Variants in PINK1 observed in about 807,000 individuals in gnomAD.
PINK1 encodes the protein serine/threonine-protein kinase PINK1, mitochondrial.
Under a neutral mutation model 56.0 loss-of-function variants are expected in PINK1, and 58 were observed. That is an observed-to-expected ratio of 1.04 (90% CI 0.84 to 1.29). The LOEUF is 1.29. Ranked by LOEUF, PINK1 falls within the 50% of genes most tolerant of loss-of-function variation. The probability of loss-of-function intolerance (pLI) is 0.00; values close to 1 mark genes in which losing one functional copy is unlikely to be tolerated. For synonymous variants in PINK1, 354 were observed against 339.3 expected (o/e 1.04, Z -0.48); for missense variants, 745 against 777.9 (o/e 0.96, Z 0.50).
Position 20,633,919 on chromosome 1 carries a change from C to G in PINK1, c.371C>G (p.Ala124Gly), listed in dbSNP as rs1274588239. 2 of 1,584,664 alleles carry G rather than the reference C, an allele frequency of 1.3e-6. No individual in the cohort carries two copies. Among genetic ancestry groups the G allele is most frequent in the African/African-American group, 2.7e-5 (2 of 74,248 alleles). ...KQAESRRAVS[A>G]CQEIQAIFTQ... Reference sequence around the variant, plus strand: ...GCGGAGAGCCGGCGGGCGGTCTCGGCCTGTCAGGAGATCCAGGTGAGCGGG... The same window carrying G: ...GCGGAGAGCCGGCGGGCGGTCTCGGGCTGTCAGGAGATCCAGGTGAGCGGG... Residue 124 changes from alanine (A) to glycine (G), a missense_variant, in exon 1 of 8, where the codon GCC (alanine) becomes GGC (glycine). Coordinates refer to ENST00000321556, the MANE Select transcript of PINK1 (RefSeq NM_032409.3).
In PINK1 at chr1:20,648,506, C is replaced by T. The variant is rs531300037; in HGVS notation, c.1125C>T (p.Asp375=). Residue 375 remains aspartate (D), a splice_region_variant and synonymous_variant, in exon 6 of 8, where the codon GAC becomes GAT. Coordinates refer to ENST00000321556, the MANE Select transcript of PINK1 (RefSeq NM_032409.3). Reference sequence around the variant, plus strand: ...GTCACTTTGCTTGCTCCTTCCCAGACGGCTGCCCCTGGCTGGTGATCGCAG... The same window carrying T: ...GTCACTTTGCTTGCTCCTTCCCAGATGGCTGCCCCTGGCTGGTGATCGCAG... ...SDNILVELDP[D]GCPWLVIADF... 35 of 1,614,026 alleles carry T rather than the reference C, an allele frequency of 2.2e-5. No individual in the cohort carries two copies. The highest frequency in any genetic ancestry group is 1.6e-4 in the South Asian group (15 of 91,088).
At chr1:20,633,977 A>C in intron 1 of PINK1, 42 bp downstream of exon 1, 1 of 1,551,436 alleles carries the variant, frequency 6.4e-7, no homozygotes, top group Non-Finnish European at 8.7e-7. Flanking sequence ...GGACGGAGCT[A>C]AGCGCGGGGG....
Position 20,649,071 on chromosome 1 carries a change from C to T in PINK1, c.1328C>T (p.Ala443Val), listed in dbSNP as rs138135040. Residue 443 changes from alanine to valine, a missense_variant, in exon 7 of 8, where the codon GCC becomes GTC. Transcript: ENST00000321556. ...GATGCCTGGGCAGTGGGAGCCATCGCCTATGAAATCTTCGGGCTTGTCAAT... is the reference window on the plus strand; with the variant it reads ...GATGCCTGGGCAGTGGGAGCCATCGTCTATGAAATCTTCGGGCTTGTCAAT... ...KADAWAVGAI[A>V]YEIFGLVNPF... is the part of the protein sequence containing the mutation. 6.2e-6 allele frequency: 10 copies of T among 1,614,064 alleles called. No individual in the cohort carries two copies. The African/African-American group carries it at 1.3e-4, about 22-fold the overall frequency.
rs564990829 is a variant in PINK1 at position 20,647,714 on chromosome 1, C to T, written c.1124-791C>T. Among the ~76,000 whole-genome samples the T allele has an allele frequency of 6.9e-3, 1,045 of 152,204 alleles. 3 individuals are homozygous for T. Among genetic ancestry groups the T allele is most frequent in the Non-Finnish European group, 0.011 (728 of 68,006 alleles). ...TGGAACTCCTGACTTCGTGATCCGC[C>T]TGCCTCGGCCTCCCAAAGTTCTGGG... On this transcript the variant is annotated intron_variant, in intron 5 of 7. Coordinates refer to ENST00000321556, the MANE Select transcript of PINK1 (RefSeq NM_032409.3).
chr1:20,650,878 A>G lies in PINK1; in HGVS notation c.*187A>G. On this transcript the variant is annotated 3_prime_UTR_variant, in exon 8 of 8. Transcript: ENST00000321556. The stretch of plus-strand genomic sequence containing the variant: ...GAGTTCAGTCTGCAGTCCTCTGCTC[A>G]CAGACATCTGAAAAGTGAATGGCCA... 1.4e-6 allele frequency: 1 copy of G among 739,960 alleles called. No homozygotes were observed. The highest frequency in any genetic ancestry group is 2.2e-6 in the Non-Finnish European group (1 of 449,138). The allele number at this position is 739,960 out of a possible 1,614,324, so 45.8% of individuals were successfully genotyped here. A position where few individuals can be genotyped will look rare whatever the true frequency, so the allele number is the denominator to read the frequency against.
chr1:20,638,861 G>A (rs2053084290), intron 2 of PINK1: 1 of 152,828 alleles, frequency 6.5e-6, no homozygotes, highest in Non-Finnish European at 1.5e-5. Flanking sequence ...CACTGGAGAG[G>A]GGGAACTGGA....
At chr1:20,645,881 G>T (rs760479442) in intron 5 of PINK1, among the ~76,000 whole-genome samples, 158 bp downstream of exon 5, 1 of 111,428 alleles carries the variant, frequency 9.0e-6, no homozygotes, top group Non-Finnish European at 2.3e-5. Context: ...CCCTTAGAAC[G>T]GGGTTTTTTT....
chr1:20,645,581 G>A lies in PINK1; in HGVS notation c.981G>A (p.Gln327=). ...VMKNYPCTLR[Q]YLCVNTPSPR... The stretch of plus-strand genomic sequence containing the variant: ...CCAGCTATCCCTGTACCCTGCGCCA[G>A]TACCTTTGTGTGAACACACCCAGCC... The change falls in exon 5 of 8, where the codon CAG becomes CAA. Residue 327 remains glutamine (Q), a synonymous_variant. Transcript: ENST00000321556. The A allele has an allele frequency of 6.2e-7, 1 of 1,613,204 alleles. No homozygotes were observed. Among genetic ancestry groups the A allele is most frequent in the African/African-American group, 1.3e-5 (1 of 74,810 alleles).
chr1:20,650,278 A>C (rs2053249393), intron 7 of PINK1, 156 bp from the exon 8 acceptor site: 1 of 958,760 alleles, frequency 1.0e-6, no homozygotes, highest in Admixed American at 2.0e-5. Flanking sequence ...GGGGACAGGC[A>C]GTATTTGTCA....
chr1:20,649,328 G>C, intron 7 of PINK1, 97 bp downstream of exon 7: 2 of 1,285,722 alleles, frequency 1.6e-6, no homozygotes, highest in Non-Finnish European at 2.2e-6. Context: ...CACAGTGACA[G>C]ATCCTCTGTG....
intron 5 of PINK1, among the ~76,000 whole-genome samples, chr1:20,647,179 C>G (rs1229173256): frequency 5.3e-5 from 8 of 151,084 alleles, no homozygotes; most frequent in African/African-American, 1.9e-4. Flanking sequence ...GCTTCAGCCT[C>G]CCGAGTAGCT....
At chr1:20,644,160 C>G (rs1376035308) in intron 3 of PINK1, among the ~76,000 whole-genome samples, 1 of 152,134 alleles carries the variant, frequency 6.6e-6, no homozygotes, top group East Asian at 1.9e-4. Context: ...CAAGGACTTA[C>G]AGTGGCAGAC....
At chr1:20,634,013 G>GTCCTCA in intron 1 of PINK1, 78 bp downstream of exon 1, 2 of 1,499,732 alleles carry the variant, frequency 1.3e-6, no homozygotes, top group Non-Finnish European at 1.8e-6. Flanking sequence ...GTGGGGGCGG[G>GTCCTCA]GCTAGGTGTG....
chr1:20,649,345 A>C (rs1334745643), intron 7 of PINK1, 114 bp downstream of exon 7: 3 of 1,134,996 alleles, frequency 2.6e-6, no homozygotes, highest in Non-Finnish European at 3.9e-6. Context: ...TGTGTTAGGA[A>C]GGTAAAGGCT....
Position 20,650,583 on chromosome 1 carries a change from G to A in PINK1, c.1638G>A (p.Glu546=), listed in dbSNP as rs2053255390. Residue 546 remains glutamate, a synonymous_variant, in exon 8 of 8, where the codon GAG becomes GAA. Transcript: ENST00000321556. ...AATLLANRLT[E]KCCVETKMKM... is the part of the protein sequence containing the mutation. ...CTTTGTTGGCCAACAGGCTCACAGA[G>A]AAGTGTTGTGTGGAAACAAAAATGA... The A allele has an allele frequency of 6.2e-7, 1 of 1,614,230 alleles. No homozygotes were observed. The highest frequency in any genetic ancestry group is 1.1e-5 in the South Asian group (1 of 91,086).
In PINK1 at chr1:20,638,010, A is replaced by T. The variant is rs371385940; in HGVS notation, c.556A>T (p.Lys186Ter). ...ATTGCCCCAGAACCTGGAGGTGACAAAGAGCACCGGGTTGCTTCCAGGGAG... is the reference window on the plus strand; with the variant it reads ...ATTGCCCCAGAACCTGGAGGTGACATAGAGCACCGGGTTGCTTCCAGGGAG... ...PTLPQNLEVT[K>*]STGLLPGRGP... Residue 186 changes from lysine (K) to a stop codon, truncating the protein, a stop_gained, in exon 2 of 8, where the codon AAG becomes TAG. Transcript: ENST00000321556. LOFTEE classifies it high-confidence loss of function. 1 of 1,614,154 alleles carries T rather than the reference A, an allele frequency of 6.2e-7. No individual in the cohort carries two copies. The highest frequency in any genetic ancestry group is 8.5e-7 in the Non-Finnish European group (1 of 1,180,032).
Position 20,633,944 on chromosome 1 carries a change from G to C in PINK1, c.387+9G>C. ...CCTGTCAGGAGATCCAGGTGAGCGG[G>C]GCCGGGTCCTAAGCCGAGCGGAGGA... On this transcript the variant is annotated intron_variant, in intron 1 of 7. Transcript: ENST00000321556. The C allele has an allele frequency of 6.3e-7, 1 of 1,582,464 alleles. No individual in the cohort carries two copies. Among genetic ancestry groups the C allele is most frequent in the Non-Finnish European group, 8.6e-7 (1 of 1,168,168 alleles).
rs147697818 is a variant in PINK1, at chr1:20,639,328, A to T, written c.676-564A>T. 22 of 177,658 alleles carry T rather than the reference A, an allele frequency of 1.2e-4. No homozygotes were observed. In the East Asian group the frequency reaches 2.6e-3, roughly 21 times the overall value. The allele number at this position is 177,658 out of a possible 1,614,324, so 11.0% of individuals were successfully genotyped here. The stretch of plus-strand genomic sequence containing the variant: ...CTGTTGCATTCACAGCAGCTACAAG[A>T]TTGTTGATTCTTACCAGATCTTCTT... On this transcript the variant is annotated intron_variant, in intron 2 of 7. Transcript: ENST00000321556.
intron 6 of PINK1, 108 bp from the exon 7 acceptor site, chr1:20,648,887 G>T (rs2053226780): frequency 7.3e-7 from 1 of 1,369,332 alleles, no homozygotes; most frequent in African/African-American, 1.4e-5. Flanking sequence ...TCAAGCTCTG[G>T]GTTCCTTGGG....
Sources: gnomAD v4.1 joint callset for allele counts (sites outside exome capture counted in the v4.1 genomes callset) on GRCh38, gnomAD v4.1.1 for gene constraint, MANE v1.5 for transcripts, NCBI Gene and HGNC (gene_info 2026-07-23, HGNC 2026-07-21) for gene names.